The following IDE variants were observed in gnomAD, a reference collection of about 807,000 sequenced individuals.
IDE encodes insulin-degrading enzyme.
Under a neutral mutation model 133.2 loss-of-function variants are expected in IDE, and 58 were observed. The observed-to-expected ratio is 0.44, with a 90% CI of 0.35 to 0.54. The LOEUF is 0.54. IDE is among the 20% of genes least tolerant of loss of function. IDE has a pLI of 0.00. For missense variants in IDE, 981 were observed against 1,234.0 expected (o/e 0.79, Z 3.07); for synonymous variants, 396 against 421.3 (o/e 0.94, Z 0.73).
chr10:92,456,998 C>T (rs548851832), intron 22 of IDE, among the ~76,000 whole-genome samples: 1 of 151,208 alleles, frequency 6.6e-6, no homozygotes, highest in Middle Eastern at 3.4e-3. Context: ...TTTTCTTACT[C>T]TAAGGAAAGA....
intron 6 of IDE, 43 bp downstream of exon 6, chr10:92,510,007 T>C: frequency 1.1e-6 from 1 of 923,318 alleles, no homozygotes; most frequent in Non-Finnish European, 1.8e-6. Flanking sequence ...ATATATTATG[T>C]CCATAAATTA....
rs1219103805 is a variant in IDE, at chr10:92,451,713, A to G, written c.*2731T>C. The stretch of plus-strand genomic sequence containing the variant: ...ACTGTGCGGGCTGGACCACTGTCCT[A>G]TGCTGGAAAAGTGAGGAACAAGCAG... On this transcript the variant is annotated 3_prime_UTR_variant, in exon 25 of 25. Coordinates refer to ENST00000265986, the MANE Select transcript of IDE (RefSeq NM_004969.4). 2 of 152,222 alleles carry G rather than the reference A, an allele frequency of 1.3e-5. No individual in the cohort carries two copies. The highest frequency in any genetic ancestry group is 2.9e-5 in the Non-Finnish European group (2 of 68,064). The allele number at this position is 152,222 out of a possible 1,614,324, so 9.4% of individuals were successfully genotyped here.
intron 13 of IDE, among the ~76,000 whole-genome samples, chr10:92,485,275 G>A (rs1010976658): frequency 2.6e-5 from 4 of 151,730 alleles, no homozygotes; most frequent in African/African-American, 9.7e-5. Flanking sequence ...TAAGGCACGC[G>A]CCACCACGCC....
At chr10:92,481,760 G>T (rs35831196) in intron 14 of IDE, among the ~76,000 whole-genome samples, 10,668 of 152,198 alleles carry the variant, frequency 0.07, 452 homozygotes, top group Middle Eastern at 0.18. Flanking sequence ...CCAGAGGGAG[G>T]GATTTGTGTG....
intron 1 of IDE, among the ~76,000 whole-genome samples, chr10:92,555,090 A>T (rs934637515): frequency 1.2e-4 from 18 of 152,346 alleles, no homozygotes; most frequent in African/African-American, 4.3e-4. Context: ...CAGCAGTGAA[A>T]AGCTGAAAGC....
chr10:92,522,254 T>C (rs1203678609), intron 4 of IDE, among the ~76,000 whole-genome samples: 4 of 152,228 alleles, frequency 2.6e-5, no homozygotes, highest in African/African-American at 9.6e-5. Context: ...TATTCCTTCC[T>C]ACTTCTCTAT....
At chr10:92,534,430 A>AT (rs1445322534) in intron 3 of IDE, 148 bp downstream of exon 3, 2 of 586,904 alleles carry the variant, frequency 3.4e-6, no homozygotes, top group Non-Finnish European at 2.9e-6. Flanking sequence ...GACATCACTC[A>AT]TTTTTTCTTT....
chr10:92,559,357 C>T (rs1729021474), intron 1 of IDE: 1 of 152,170 alleles, frequency 6.6e-6, no homozygotes, highest in South Asian at 2.1e-4. Flanking sequence ...TATCTCAAGA[C>T]TGGAAATAAT....
chr10:92,460,334 CTT>C (rs1339024504), intron 22 of IDE, among the ~76,000 whole-genome samples: 1 of 152,190 alleles, frequency 6.6e-6, no homozygotes, highest in East Asian at 1.9e-4. Flanking sequence ...GTTGTCAGAG[CTT>C]GGAAAATAAT....
chr10:92,476,042 AACTTCCAAATAAACG>A, intron 15 of IDE, 48 bp from the exon 16 acceptor site: 2 of 784,008 alleles, frequency 2.6e-6, no homozygotes, highest in Non-Finnish European at 4.2e-6. Context: ...ATCACAAAAC[AACTTCCAAATAAACG>A]ACTTGATTTT....
At chr10:92,564,498 CCTGT>C (rs763320040) in intron 1 of IDE, among the ~76,000 whole-genome samples, 1 of 151,062 alleles carries the variant, frequency 6.6e-6, no homozygotes, top group Non-Finnish European at 1.5e-5. Context: ...ATGACGAAAC[CCTGT>C]CTCTCTACTA....
intron 1 of IDE, chr10:92,572,951 C>A: frequency 1.0e-6 from 1 of 985,398 alleles, no homozygotes. Flanking sequence ...TCCCAATCCG[C>A]TCCAATCAAG....
chr10:92,565,960 G>C (rs1190220512), intron 1 of IDE, among the ~76,000 whole-genome samples: 1 of 151,346 alleles, frequency 6.6e-6, no homozygotes, highest in Admixed American at 6.6e-5. Context: ...GTGTATCCTT[G>C]AGCAAGTTAA....
intron 1 of IDE, among the ~76,000 whole-genome samples, chr10:92,547,377 C>G (rs1004520163): frequency 1.3e-5 from 2 of 152,032 alleles, no homozygotes; most frequent in African/African-American, 2.4e-5. Context: ...AGCCACTGCA[C>G]CTGGCCTGGT....
Position 92,516,363 on chromosome 10 carries a change from GGGCACCTGTAGTCTC to G in IDE, c.662-1336_662-1322del, listed in dbSNP as rs533243318. ...ACAAAAATTAGCCAGGCATGGTGGT[GGGCACCTGTAGTCTC>G]GGCTACTCGGGAGGCTGAGGGATGA... On this transcript the variant is annotated intron_variant, in intron 4 of 24. Coordinates refer to ENST00000265986, the MANE Select transcript of IDE (RefSeq NM_004969.4). Among the ~76,000 whole-genome samples the G allele has an allele frequency of 1.5e-3, 222 of 150,614 alleles. 1 individual carries two copies. The highest frequency in any genetic ancestry group is 5.3e-3 in the African/African-American group (216 of 40,974).
chr10:92,511,841 A>T (rs1362771476), intron 5 of IDE, among the ~76,000 whole-genome samples: 1 of 152,174 alleles, frequency 6.6e-6, no homozygotes, highest in Non-Finnish European at 1.5e-5. Context: ...TGCAGATGGG[A>T]CATATGACTT....
intron 19 of IDE, 98 bp from the exon 20 acceptor site, chr10:92,465,941 G>T (rs973695187): frequency 2.0e-6 from 2 of 998,748 alleles, no homozygotes; most frequent in Admixed American, 2.2e-5. Context: ...TGATAATTTA[G>T]ACATTAATAG....
chr10:92,511,388 C>T (rs1848622513), intron 5 of IDE, among the ~76,000 whole-genome samples: 1 of 152,148 alleles, frequency 6.6e-6, no homozygotes, highest in South Asian at 2.1e-4. Flanking sequence ...CAGATGTGAG[C>T]CACCATGCCT....
intron 1 of IDE, among the ~76,000 whole-genome samples, chr10:92,561,717 G>A (rs183643603): frequency 6.1e-4 from 92 of 151,840 alleles, no homozygotes; most frequent in African/African-American, 2.0e-3. Flanking sequence ...AGCGGAGATC[G>A]CGCCACTGCA....
Sources: gnomAD v4.1 joint callset for allele counts (sites outside exome capture counted in the v4.1 genomes callset) on GRCh38, gnomAD v4.1.1 for gene constraint, MANE v1.5 for transcripts, NCBI Gene and HGNC (gene_info 2026-07-23, HGNC 2026-07-21) for gene names.